Variants in RIPOR2 observed in about 807,000 individuals in gnomAD.
RIPOR2 encodes rho family-interacting cell polarization regulator 2.
RIPOR2 carries 39 observed loss-of-function variants against 114.5 expected under a neutral mutation model. That is an observed-to-expected ratio of 0.34 (90% CI 0.26 to 0.44). RIPOR2 has a LOEUF of 0.44. Among genes scored for constraint, RIPOR2 ranks in the 20% least tolerant of loss-of-function variants. RIPOR2 has a pLI of 1.00. For missense variants in RIPOR2, 1,007 were observed against 1,255.1 expected, an observed-to-expected ratio of 0.80 and a Z score of 2.99; for synonymous variants, 445 against 484.4, an observed-to-expected ratio of 0.92 and a Z score of 1.07.
At chr6:24,822,908 C>T (rs1759826521) in intron 19 of RIPOR2, among the ~76,000 whole-genome samples, 2 of 152,196 alleles carry the variant, frequency 1.3e-5, no homozygotes, top group African/African-American at 2.4e-5. Flanking sequence ...TGCTTAGATT[C>T]ATAACAATTC....
At chr6:24,960,874 C>A (rs1773270446) in intron 1 of RIPOR2, among the ~76,000 whole-genome samples, 2 of 152,106 alleles carry the variant, frequency 1.3e-5, no homozygotes. Context: ...AACCACAGCA[C>A]ATGTTATTAA....
chr6:24,960,885 C>A (rs992131646), intron 1 of RIPOR2, among the ~76,000 whole-genome samples: 2 of 152,124 alleles, frequency 1.3e-5, no homozygotes, highest in African/African-American at 4.8e-5. Context: ...ATGTTATTAA[C>A]CTCCAGCCCC....
At chr6:24,868,695 A>T (rs768930690) in intron 6 of RIPOR2, among the ~76,000 whole-genome samples, 4 of 152,172 alleles carry the variant, frequency 2.6e-5, no homozygotes, top group Non-Finnish European at 5.9e-5. Flanking sequence ...GTCTTTTGGT[A>T]GTTATAAGGC....
chr6:24,852,942 A>T (rs1175180131), intron 8 of RIPOR2, among the ~76,000 whole-genome samples: 3 of 152,224 alleles, frequency 2.0e-5, no homozygotes, highest in Admixed American at 2.0e-4. Flanking sequence ...AGGGCCAGAA[A>T]GATAGATTTA....
chr6:25,023,951 T>G lies in RIPOR2; in HGVS notation c.76+17900A>C, dbSNP rs115285934. ...CTGATGTGCATGAGGTTCTCGTCCATGTTCCACGGGTTCTTGGGAGTGACC... is the reference window on the plus strand; with the variant it reads ...CTGATGTGCATGAGGTTCTCGTCCAGGTTCCACGGGTTCTTGGGAGTGACC... On this transcript the variant is annotated intron_variant, in intron 1 of 13. Transcript: ENST00000510784. 3,964 of 729,550 alleles carry G rather than the reference T, an allele frequency of 5.4e-3. 12 individuals are homozygous for G. Among genetic ancestry groups the G allele is most frequent in the Non-Finnish European group, 7.5e-3 (2,933 of 390,682 alleles). The allele number at this position is 729,550 out of a possible 1,614,324, so 45.2% of individuals were successfully genotyped here.
upstream of RIPOR2, chr6:24,936,190 G>T (rs879374959): frequency 3.5e-6 from 1 of 285,804 alleles, no homozygotes; most frequent in Non-Finnish European, 6.5e-6. Context: ...TGAATGCAAT[G>T]AATTCTATTT....
intron 6 of RIPOR2, among the ~76,000 whole-genome samples, chr6:24,868,764 A>G (rs1764872183): frequency 6.6e-6 from 1 of 152,218 alleles, no homozygotes; most frequent in African/African-American, 2.4e-5. Flanking sequence ...GTAAAGTTAG[A>G]CAAACATGAA....
chr6:25,025,478 T>A (rs1335894880), intron 1 of RIPOR2, among the ~76,000 whole-genome samples: 3 of 151,204 alleles, frequency 2.0e-5, no homozygotes, highest in African/African-American at 7.3e-5. Context: ...ATAGGACCTT[T>A]AAAAAAAAAT....
intron 1 of RIPOR2, among the ~76,000 whole-genome samples, chr6:25,029,855 T>C (rs1415475473): frequency 6.6e-6 from 1 of 152,166 alleles, no homozygotes; most frequent in Non-Finnish European, 1.5e-5. Flanking sequence ...AGTTAAACTA[T>C]ATGCTTTTCT....
At chr6:24,897,359 C>G (rs1767980921) in intron 1 of RIPOR2, among the ~76,000 whole-genome samples, 2 of 152,196 alleles carry the variant, frequency 1.3e-5, no homozygotes, top group South Asian at 4.1e-4. Flanking sequence ...AGCAGATGCC[C>G]TCCAACTGTT....
chr6:24,955,722 A>G (rs963352207), intron 1 of RIPOR2, among the ~76,000 whole-genome samples: 11 of 151,266 alleles, frequency 7.3e-5, no homozygotes, highest in Non-Finnish European at 1.3e-4. Flanking sequence ...AAAAAATTAC[A>G]AGCCTGGTGC....
intron 1 of RIPOR2, among the ~76,000 whole-genome samples, chr6:25,005,738 T>TACATATATAC (rs1554130559): frequency 2.8e-5 from 2 of 70,700 alleles, no homozygotes; most frequent in African/African-American, 8.2e-5. Flanking sequence ...TATATATATA[T>TACATATATAC]ATACATTTAC....
chr6:24,852,616 G>A lies in RIPOR2; in HGVS notation c.718C>T (p.Leu240=). 2 of 1,589,532 alleles carry A rather than the reference G, an allele frequency of 1.3e-6. No homozygotes were observed. The highest frequency in any genetic ancestry group is 1.7e-6 in the Non-Finnish European group (2 of 1,172,588). The change falls in exon 9 of 22, where the codon CTG becomes TTG. Residue 240 remains leucine (L), a splice_region_variant and synonymous_variant. Transcript: ENST00000643898. ...LGEFSIKMKG[L]AGFARLCPGD... is the part of the protein sequence containing the mutation. ...GGACAGAGGCGTGCAAAGCCAGCCA[G>A]ACCTGTAACCAAGAAATTGGAAGGT...
chr6:24,914,109 T>A (rs555119023), intron 1 of RIPOR2, among the ~76,000 whole-genome samples: 3 of 151,836 alleles, frequency 2.0e-5, no homozygotes, highest in Non-Finnish European at 4.4e-5. Context: ...CCGAGGTGGG[T>A]GGATCACTTG....
chr6:24,851,332 T>G (rs982778521), intron 9 of RIPOR2, among the ~76,000 whole-genome samples: 2 of 152,148 alleles, frequency 1.3e-5, no homozygotes, highest in African/African-American at 4.8e-5. Context: ...TCTACTTCAA[T>G]AGAGCAGCCA....
chr6:24,855,538 G>C (rs1252127895), intron 8 of RIPOR2, among the ~76,000 whole-genome samples: 1 of 152,244 alleles, frequency 6.6e-6, no homozygotes, highest in Non-Finnish European at 1.5e-5. Context: ...AGAAACAGCT[G>C]TTAGTCCTAG....
At chr6:24,998,618 G>A (rs1013638651) in intron 1 of RIPOR2, among the ~76,000 whole-genome samples, 2 of 152,040 alleles carry the variant, frequency 1.3e-5, no homozygotes, top group African/African-American at 4.8e-5. Flanking sequence ...AATGCAAACT[G>A]CTTACCATTT....
intron 11 of RIPOR2, among the ~76,000 whole-genome samples, chr6:24,849,508 T>G (rs1378508230): frequency 1.3e-5 from 2 of 151,930 alleles, no homozygotes; most frequent in African/African-American, 2.4e-5. Context: ...TATTTAAAGG[T>G]AGAGAGGGAA....
rs1057465247 is a variant in RIPOR2 at position 25,023,199 on chromosome 6, T to TG, written c.76+18651dup. 8.0e-6 allele frequency: 5 copies of TG among 628,372 alleles called. No individual in the cohort carries two copies. The African/African-American group carries it at 9.0e-5, about 11-fold the overall frequency. The allele number at this position is 628,372 out of a possible 1,614,324, so 38.9% of individuals were successfully genotyped here. On this transcript the variant is annotated intron_variant, in intron 1 of 13. Coordinates refer to the RIPOR2 transcript ENST00000510784. ...TATCACAACAATTAGCGCCTGTACT[T>TG]GGGGGATCTGCAAATTGAGGAGGCT...
Sources: allele counts gnomAD v4.1 joint callset (sites outside exome capture counted in the v4.1 genomes callset), GRCh38; gene constraint gnomAD v4.1.1; transcripts MANE v1.5; gene names NCBI Gene and HGNC (gene_info 2026-07-23, HGNC 2026-07-21).